Variants in XKR9 observed in about 807,000 individuals in gnomAD.
The protein encoded by XKR9 is XK related 9, also known as XK-related protein 9.
In XKR9, 32 loss-of-function variants were observed where a neutral mutation model predicts 32.0. That is an observed-to-expected ratio of 1.00 (90% CI 0.76 to 1.34). The LOEUF is 1.34. Among genes scored for constraint, XKR9 ranks in the 40% most tolerant of loss-of-function variants. The pLI is 0.00. For synonymous variants in XKR9, 168 were observed against 143.4 expected (o/e 1.17, Z -1.22); for missense variants, 546 against 429.7 (o/e 1.27, Z -2.39).
At chr8:70,985,891 A>G in the XKR9 span, among the ~76,000 whole-genome samples, 3 of 152,178 alleles carry the variant, frequency 2.0e-5, no homozygotes, top group Non-Finnish European at 4.4e-5. Context: ...ACATAATTAT[A>G]ATTCTTCTAA....
chr8:70,812,847 C>T, the XKR9 span, among the ~76,000 whole-genome samples: 5 of 152,092 alleles, frequency 3.3e-5, no homozygotes, highest in African/African-American at 1.2e-4. Context: ...GAATCAATAT[C>T]GTGAAAATGG....
intron 2 of XKR9, among the ~76,000 whole-genome samples, chr8:70,679,207 C>G (rs569498482): frequency 1.3e-4 from 20 of 152,226 alleles, no homozygotes; most frequent in African/African-American, 4.1e-4. Flanking sequence ...AAGATCATAC[C>G]ACAGTACTTT....
At chr8:70,822,183 C>T in the XKR9 span, among the ~76,000 whole-genome samples, 1 of 152,178 alleles carries the variant, frequency 6.6e-6, no homozygotes. Context: ...GCACCTTCTT[C>T]ATACATATCA....
the XKR9 span, among the ~76,000 whole-genome samples, chr8:70,847,142 C>T: frequency 6.6e-6 from 1 of 152,044 alleles, no homozygotes; most frequent in Admixed American, 6.5e-5. Context: ...TACCAAGTAT[C>T]TTCTCAGGCC....
chr8:70,707,269 T>C (rs1805755421), intron 4 of XKR9, 116 bp downstream of exon 4: 2 of 741,154 alleles, frequency 2.7e-6, no homozygotes, highest in South Asian at 2.2e-5. Flanking sequence ...TTTATTCTTT[T>C]GAAAAGGAAG....
intron 4 of XKR9, among the ~76,000 whole-genome samples, chr8:70,729,264 T>C (rs776314946): frequency 1.3e-5 from 2 of 152,218 alleles, no homozygotes; most frequent in Non-Finnish European, 2.9e-5. Flanking sequence ...GAGACAAATA[T>C]GCTCCAAATT....
At chr8:70,777,348 G>A (rs949786391) in intron 2 of XKR9, among the ~76,000 whole-genome samples, 1 of 152,050 alleles carries the variant, frequency 6.6e-6, no homozygotes, top group Admixed American at 6.6e-5. Flanking sequence ...TCTTTATCCA[G>A]TCTATTACTG....
chr8:71,012,124 C>T, the XKR9 span, among the ~76,000 whole-genome samples: 1 of 152,158 alleles, frequency 6.6e-6, no homozygotes, highest in African/African-American at 2.4e-5. Context: ...CTGGGGACAG[C>T]AGGGGCTTCA....
intron 2 of XKR9, among the ~76,000 whole-genome samples, chr8:70,747,265 A>G (rs946996873): frequency 6.6e-6 from 1 of 152,228 alleles, no homozygotes; most frequent in Non-Finnish European, 1.5e-5. Context: ...TCCTTTGGAT[A>G]TATACCCAGT....
At chr8:70,956,511 A>G in the XKR9 span, among the ~76,000 whole-genome samples, 1 of 152,066 alleles carries the variant, frequency 6.6e-6, no homozygotes, top group Non-Finnish European at 1.5e-5. Context: ...CCGCTCCCAT[A>G]CCTGGTCTGA....
At chr8:70,958,562 T>C in the XKR9 span, among the ~76,000 whole-genome samples, 1 of 152,212 alleles carries the variant, frequency 6.6e-6, no homozygotes, top group African/African-American at 2.4e-5. Flanking sequence ...TTTTATCTTG[T>C]AGATTTAAGT....
intron 4 of XKR9, among the ~76,000 whole-genome samples, chr8:70,727,489 C>G (rs756689319): frequency 2.0e-5 from 3 of 152,058 alleles, no homozygotes; most frequent in African/African-American, 7.2e-5. Flanking sequence ...CAACCTCCGC[C>G]TCCCGGATTC....
the XKR9 span, among the ~76,000 whole-genome samples, chr8:70,909,162 G>A: frequency 6.6e-6 from 1 of 152,072 alleles, no homozygotes; most frequent in African/African-American, 2.4e-5. Flanking sequence ...TTCTTACCTT[G>A]CTTTAAACCT....
At chr8:70,732,603 G>A (rs1452824916) in intron 4 of XKR9, among the ~76,000 whole-genome samples, 2 of 152,290 alleles carry the variant, frequency 1.3e-5, no homozygotes, top group East Asian at 3.9e-4. Flanking sequence ...TTATCATGAT[G>A]GGAATTACAA....
downstream of XKR9, among the ~76,000 whole-genome samples, chr8:70,794,641 G>C (rs1343221726): frequency 1.3e-5 from 2 of 151,922 alleles, no homozygotes; most frequent in African/African-American, 4.8e-5. Context: ...CTATTAATAT[G>C]GTGCATTATA....
At chr8:70,751,905 A>G (rs1807147622) in intron 2 of XKR9, among the ~76,000 whole-genome samples, 1 of 152,224 alleles carries the variant, frequency 6.6e-6, no homozygotes, top group African/African-American at 2.4e-5. Flanking sequence ...GGGACTTCTC[A>G]GCTTCCATAA....
At chr8:71,011,294 T>C in the XKR9 span, among the ~76,000 whole-genome samples, 1 of 152,208 alleles carries the variant, frequency 6.6e-6, no homozygotes, top group Non-Finnish European at 1.5e-5. Context: ...CTGACAATGC[T>C]CATAAACACA....
the XKR9 span, among the ~76,000 whole-genome samples, chr8:70,995,425 A>T: frequency 6.6e-6 from 1 of 152,204 alleles, no homozygotes; most frequent in African/African-American, 2.4e-5. Flanking sequence ...ATATGCCTGG[A>T]CTAACTGTCT....
Position 70,677,567 on chromosome 8 carries a change from A to G in XKR9, c.-279+2668A>G, listed in dbSNP as rs546993838. Among the ~76,000 whole-genome samples the G allele has an allele frequency of 1.4e-4, 22 of 152,332 alleles. No homozygotes were observed. The South Asian group carries it at 1.4e-3, about 10-fold the overall frequency. ...CAATAATAATGTGTATTCTATCTCA[A>G]ATCTATAGACTGCTGTGCCTAAGTG... On this transcript the variant is annotated intron_variant, in intron 2 of 4. Transcript: ENST00000408926.
Sources: gnomAD v4.1 joint callset for allele counts (sites outside exome capture counted in the v4.1 genomes callset) on GRCh38, gnomAD v4.1.1 for gene constraint, MANE v1.5 for transcripts, NCBI Gene and HGNC (gene_info 2026-07-23, HGNC 2026-07-21) for gene names.